The following HS6ST2 variants were observed in gnomAD, a reference collection of about 807,000 sequenced individuals.
HS6ST2 encodes heparan-sulfate 6-O-sulfotransferase 2.
A neutral mutation model predicts 33.0 loss-of-function variants in HS6ST2; 17 were observed. The ratio of observed to expected loss-of-function variants is 0.52; its 90% CI spans 0.35 to 0.77. The LOEUF (loss-of-function observed/expected upper bound fraction) is 0.77. Among genes scored for constraint, HS6ST2 ranks in the 30% least tolerant of loss-of-function variants. The pLI is 0.01. For missense variants in HS6ST2, 519 were observed against 551.7 expected (o/e 0.94, Z 0.59); for synonymous variants, 248 against 237.1 (o/e 1.05, Z -0.42).
intron 2 of HS6ST2, among the ~76,000 whole-genome samples, chrX:132,879,238 G>A (rs2066140068): frequency 1.8e-5 from 2 of 111,434 alleles, no homozygotes; most frequent in African/African-American, 6.5e-5. Flanking sequence ...ACCTCATGGG[G>A]AATTATGACC....
chrX:132,834,541 A>C (rs1250734698), intron 2 of HS6ST2, among the ~76,000 whole-genome samples: 1 of 112,411 alleles, frequency 8.9e-6, no homozygotes, highest in Admixed American at 9.4e-5. Flanking sequence ...AGTTAAAGAA[A>C]AGCAGGCTAA....
chrX:132,735,007 TG>T (rs1297420654), intron 2 of HS6ST2: 2 of 111,207 alleles, frequency 1.8e-5, no homozygotes, highest in African/African-American at 6.6e-5. Flanking sequence ...TGGTGGCTGG[TG>T]GTGTGTGTGA....
At chrX:132,666,058 G>A (rs1331260485) in intron 4 of HS6ST2, among the ~76,000 whole-genome samples, 1 of 112,161 alleles carries the variant, frequency 8.9e-6, no homozygotes, top group Non-Finnish European at 1.9e-5. Context: ...TTTCATTTTA[G>A]CTTTGACCTA....
intron 2 of HS6ST2, among the ~76,000 whole-genome samples, chrX:132,845,971 G>A (rs957053418): frequency 9.0e-6 from 1 of 111,546 alleles, no homozygotes. Context: ...AGGCTTTGTG[G>A]GCCATAAGGT....
chrX:132,792,306 C>T lies in HS6ST2; in HGVS notation c.948-83812G>A, dbSNP rs778809696. ...TGCTCTTCAAGGGAGTTCTTTGTTT[C>T]GGGAATTAGAACTTCAAAAACTAGG... On this transcript the variant is annotated intron_variant, in intron 2 of 4. Coordinates refer to ENST00000370833, the MANE Select transcript of HS6ST2 (RefSeq NM_001394073.1). Among the ~76,000 whole-genome samples the T allele has an allele frequency of 5.8e-4, 65 of 111,693 alleles. 2 individuals carry two copies. The highest frequency in any genetic ancestry group is 5.7e-4 in the Admixed American group (6 of 10,487).
intron 2 of HS6ST2, among the ~76,000 whole-genome samples, chrX:132,933,979 A>G (rs1200649498): frequency 9.0e-6 from 1 of 111,264 alleles, no homozygotes; most frequent in Non-Finnish European, 1.9e-5. Context: ...ATAAAGAAAA[A>G]TTCTCCGGCT....
At chrX:132,906,676 G>A (rs2066478428) in intron 2 of HS6ST2, among the ~76,000 whole-genome samples, 1 of 110,368 alleles carries the variant, frequency 9.1e-6, no homozygotes, top group African/African-American at 3.3e-5. Flanking sequence ...CCCTCAAGAA[G>A]TGATTTTTTT....
intron 2 of HS6ST2, among the ~76,000 whole-genome samples, chrX:132,848,521 C>A (rs1270299796): frequency 1.8e-5 from 2 of 112,491 alleles, no homozygotes; most frequent in Non-Finnish European, 3.8e-5. Flanking sequence ...GCCTCAGTGG[C>A]GCTCAGCACA....
At chrX:132,877,988 G>A (rs2066125156) in intron 2 of HS6ST2, among the ~76,000 whole-genome samples, 1 of 111,049 alleles carries the variant, frequency 9.0e-6, no homozygotes, top group Non-Finnish European at 1.9e-5. Flanking sequence ...AACGGAGGAG[G>A]GGAAAATAGC....
chrX:132,734,657 G>A (rs1343324949), intron 2 of HS6ST2, among the ~76,000 whole-genome samples: 4 of 111,950 alleles, frequency 3.6e-5, no homozygotes, highest in East Asian at 2.8e-4. Flanking sequence ...TTCTTCCACC[G>A]AATTGAATTG....
intron 2 of HS6ST2, among the ~76,000 whole-genome samples, chrX:132,796,371 C>T (rs892205594): frequency 8.9e-6 from 1 of 112,124 alleles, no homozygotes; most frequent in Non-Finnish European, 1.9e-5. Flanking sequence ...TTCTTGCTGC[C>T]CTTGATGGCA....
At chrX:132,724,075 G>A (rs888191238) in intron 2 of HS6ST2, among the ~76,000 whole-genome samples, 25 of 111,845 alleles carry the variant, frequency 2.2e-4, no homozygotes, top group East Asian at 1.7e-3. Context: ...GGGATCACGC[G>A]TGGCTGCGGC....
At chrX:132,741,872 G>T (rs906880739) in intron 2 of HS6ST2, among the ~76,000 whole-genome samples, 2 of 111,579 alleles carry the variant, frequency 1.8e-5, no homozygotes, top group African/African-American at 6.5e-5. Flanking sequence ...TCACTTCCAT[G>T]AGTCATCCCT....
At chrX:132,893,106 G>A (rs900309175) in intron 2 of HS6ST2, among the ~76,000 whole-genome samples, 11 of 112,057 alleles carry the variant, frequency 9.8e-5, no homozygotes, top group Admixed American at 4.7e-4. Context: ...TACATACTGC[G>A]TTTGAGAAGC....
At chrX:132,800,648 C>T (rs1404073218) in intron 2 of HS6ST2, among the ~76,000 whole-genome samples, 1 of 110,794 alleles carries the variant, frequency 9.0e-6, no homozygotes, top group Non-Finnish European at 1.9e-5. Context: ...GCCTACCGTG[C>T]AGTGGAGAAC....
intron 2 of HS6ST2, among the ~76,000 whole-genome samples, chrX:132,843,809 C>T (rs2065726899): frequency 9.0e-6 from 1 of 111,698 alleles, no homozygotes; most frequent in Non-Finnish European, 1.9e-5. Flanking sequence ...GTCTGTAAAG[C>T]ACAAATACAT....
chrX:132,919,315 C>A (rs1217205459), intron 2 of HS6ST2, among the ~76,000 whole-genome samples: 1 of 112,027 alleles, frequency 8.9e-6, no homozygotes. Flanking sequence ...ATTTCCTGTA[C>A]CATAAAGTCA....
At chrX:132,789,383 A>G (rs1170760327) in intron 2 of HS6ST2, among the ~76,000 whole-genome samples, 1 of 110,739 alleles carries the variant, frequency 9.0e-6, no homozygotes, top group Non-Finnish European at 1.9e-5. Context: ...TAAACCCACC[A>G]TTGAGACCTA....
At chrX:132,733,304 A>G (rs918027406) in intron 2 of HS6ST2, among the ~76,000 whole-genome samples, 19 of 110,481 alleles carry the variant, frequency 1.7e-4, no homozygotes, top group African/African-American at 5.9e-4. Flanking sequence ...TTGACAATAC[A>G]TGACCAAGAT....
Sources: allele counts gnomAD v4.1 joint callset (sites outside exome capture counted in the v4.1 genomes callset), GRCh38; gene constraint gnomAD v4.1.1; transcripts MANE v1.5; gene names NCBI Gene and HGNC (gene_info 2026-07-23, HGNC 2026-07-21).